C12orf50: variants seen among roughly 807,000 people sequenced by gnomAD.
C12orf50 encodes the protein uncharacterized protein C12orf50.
C12orf50 carries 35 observed loss-of-function variants against 61.6 expected under a neutral mutation model. The observed-to-expected ratio is 0.57, with a 90% CI of 0.43 to 0.75. The LOEUF is 0.75. Ranked by LOEUF, C12orf50 falls within the 30% of genes least tolerant of loss-of-function variation. The probability of loss-of-function intolerance (pLI) is 0.00; values close to 1 mark genes in which losing one functional copy is unlikely to be tolerated. For synonymous variants in C12orf50, 178 were observed against 161.5 expected (o/e 1.10, Z -0.77); for missense variants, 475 against 488.5 (o/e 0.97, Z 0.26).
chr12:87,982,976 A>C, intron 12 of C12orf50, 127 bp downstream of exon 12: 2 of 464,898 alleles, frequency 4.3e-6, no homozygotes. Flanking sequence ...AACTCCAAGT[A>C]ATTAAGTGTG....
At chr12:87,987,801 G>C (rs769723424) in intron 9 of C12orf50, 49 bp downstream of exon 9, 1 of 1,176,192 alleles carries the variant, frequency 8.5e-7, no homozygotes. Flanking sequence ...CAAATCCATG[G>C]TAAGACAAAT....
intron 3 of C12orf50, among the ~76,000 whole-genome samples, chr12:88,006,301 G>A (rs762656279): frequency 1.3e-5 from 2 of 152,142 alleles, no homozygotes; most frequent in Non-Finnish European, 2.9e-5. Flanking sequence ...CTGCTCTCAT[G>A]GAGCTACTAG....
chr12:88,013,110 A>G (rs2032174382), intron 3 of C12orf50, among the ~76,000 whole-genome samples: 1 of 151,946 alleles, frequency 6.6e-6, no homozygotes, highest in Non-Finnish European at 1.5e-5. Context: ...AAATCCTGGG[A>G]TTTTTTTTAA....
At chr12:88,019,326 C>T (rs1421541727) in intron 3 of C12orf50, among the ~76,000 whole-genome samples, 1 of 152,174 alleles carries the variant, frequency 6.6e-6, no homozygotes, top group Non-Finnish European at 1.5e-5. Flanking sequence ...TGACTTTCTC[C>T]TCCTAGCCTT....
Position 87,992,070 on chromosome 12 carries a change from G to A in C12orf50, c.592+2563C>T, listed in dbSNP as rs2031150520. On this transcript the variant is annotated intron_variant, in intron 7 of 12. Coordinates refer to ENST00000298699, the MANE Select transcript of C12orf50 (RefSeq NM_152589.3). Reference sequence around the variant, plus strand: ...AGACAGGAGAGGGCAGCACAGCATGGTGGAAGAAGCTCTGGCTCTGGGGAG... The same window carrying A: ...AGACAGGAGAGGGCAGCACAGCATGATGGAAGAAGCTCTGGCTCTGGGGAG... 3.9e-5 allele frequency among the ~76,000 whole-genome samples: 6 copies of A among 152,176 alleles called. 1 individual carries two copies. The South Asian group carries it at 1.2e-3, about 31-fold the overall frequency.
At chr12:88,023,177 G>C (rs1350779140) in intron 3 of C12orf50, among the ~76,000 whole-genome samples, 7 of 152,106 alleles carry the variant, frequency 4.6e-5, no homozygotes, top group East Asian at 1.9e-4. Flanking sequence ...CAATGGAATA[G>C]AATAGAAAGT....
Position 88,020,051 on chromosome 12 carries a change from G to A in C12orf50, c.133+6437C>T, listed in dbSNP as rs575299496. ...AGGTCCTGAAAGATACACTAAATAC[G>A]GAAAGGAAAGACAGTTACCAGTCAC... On this transcript the variant is annotated intron_variant, in intron 3 of 12. Coordinates refer to ENST00000298699, the MANE Select transcript of C12orf50 (RefSeq NM_152589.3). Among the ~76,000 whole-genome samples, 228 of 152,208 alleles carry A rather than the reference G, an allele frequency of 1.5e-3. 1 individual carries two copies. The highest frequency in any genetic ancestry group is 5.3e-3 in the African/African-American group (222 of 41,534).
At chr12:88,009,270 A>G (rs746246119) in intron 3 of C12orf50, among the ~76,000 whole-genome samples, 2 of 152,126 alleles carry the variant, frequency 1.3e-5, no homozygotes, top group Non-Finnish European at 2.9e-5. Flanking sequence ...ATCCTTCTAC[A>G]GTGCACAATA....
intron 4 of C12orf50, among the ~76,000 whole-genome samples, chr12:87,997,517 C>T (rs1052125386): frequency 2.0e-5 from 3 of 152,012 alleles, no homozygotes; most frequent in African/African-American, 7.3e-5. Flanking sequence ...CACCCATCAA[C>T]CCGTCATCTA....
At chr12:87,985,656 A>C in intron 11 of C12orf50, 194 bp downstream of exon 11, 1 of 624,532 alleles carries the variant, frequency 1.6e-6, no homozygotes, top group Admixed American at 2.9e-5. Flanking sequence ...ACACAACATG[A>C]GTTTTCTTCC....
At chr12:88,002,899 CT>C (rs540576842) in intron 3 of C12orf50, among the ~76,000 whole-genome samples, 2 of 151,776 alleles carry the variant, frequency 1.3e-5, no homozygotes, top group East Asian at 3.9e-4. Flanking sequence ...ATCTATTTCA[CT>C]TTTATACTAA....
chr12:87,998,278 C>A, intron 3 of C12orf50, 88 bp from the exon 4 acceptor site: 1 of 979,106 alleles, frequency 1.0e-6, no homozygotes, highest in Non-Finnish European at 1.4e-6. Flanking sequence ...TCCTAATTAA[C>A]TATATATTAT....
intron 11 of C12orf50, chr12:87,984,712 G>A (rs7133344): frequency 0.19 from 28,540 of 152,038 alleles, 4,467 homozygotes; most frequent in African/African-American, 0.43. Flanking sequence ...AGCATGATCC[G>A]TAATACCAAT....
intron 3 of C12orf50, among the ~76,000 whole-genome samples, chr12:88,003,783 C>T (rs2031745190): frequency 6.6e-6 from 1 of 151,982 alleles, no homozygotes; most frequent in South Asian, 2.1e-4. Flanking sequence ...TGTCTGGCTG[C>T]AGGTATATTT....
At chr12:88,011,042 T>G (rs1241943190) in intron 3 of C12orf50, among the ~76,000 whole-genome samples, 1 of 152,136 alleles carries the variant, frequency 6.6e-6, no homozygotes, top group East Asian at 1.9e-4. Flanking sequence ...CCTTGATTTT[T>G]CTACCAAAAG....
At chr12:88,026,351 A>G in intron 3 of C12orf50, 137 bp downstream of exon 3, 1 of 945,446 alleles carries the variant, frequency 1.1e-6, no homozygotes, top group Non-Finnish European at 1.5e-6. Flanking sequence ...TCTCATGTAG[A>G]ATCATTCCAA....
At chr12:87,980,428 C>T (rs189996239) in intron 12 of C12orf50, 72 bp from the exon 13 acceptor site, 2 of 1,296,918 alleles carry the variant, frequency 1.5e-6, no homozygotes, top group Admixed American at 1.9e-5. Flanking sequence ...TCTTCTTTTG[C>T]TAATTACTTG....
intron 9 of C12orf50, among the ~76,000 whole-genome samples, chr12:87,987,128 T>G (rs889222661): frequency 3.9e-5 from 6 of 152,122 alleles, no homozygotes; most frequent in Non-Finnish European, 8.8e-5. Context: ...GAACATCAAG[T>G]GTACAGTGTA....
At position 87,989,127 on chromosome 12, in the gene C12orf50, C is replaced by A. The variant is rs539068461; in HGVS notation, c.700+137G>T. ...GTTAGGGGCAGAGCCAGGACTGGAA[C>A]CTTAGAGCTCTTGACTCCTATTCAG... On this transcript the variant is annotated intron_variant, in intron 8 of 12. Transcript: ENST00000298699. The A allele has an allele frequency of 3.3e-5, 20 of 606,590 alleles. No homozygotes were observed. In the East Asian group the frequency reaches 5.3e-4, roughly 16 times the overall value. 37.6% of individuals were successfully genotyped at this position (606,590 alleles called of 1,614,324 possible).
Sources: gnomAD v4.1 joint callset for allele counts (sites outside exome capture counted in the v4.1 genomes callset) on GRCh38, gnomAD v4.1.1 for gene constraint, MANE v1.5 for transcripts, NCBI Gene and HGNC (gene_info 2026-07-23, HGNC 2026-07-21) for gene names.